RAD1: variants seen among roughly 807,000 people sequenced by gnomAD.
RAD1 encodes the protein RAD1 checkpoint DNA exonuclease, also known as cell cycle checkpoint protein RAD1.
In RAD1, 21 loss-of-function variants were observed where a neutral mutation model predicts 30.0. The observed-to-expected ratio is 0.70, with a 90% CI of 0.50 to 1.01. RAD1 has a LOEUF of 1.01. Among genes scored for constraint, RAD1 ranks in the 50% least tolerant of loss-of-function variants. RAD1 has a pLI of 0.00. For missense variants in RAD1, 329 were observed against 329.0 expected (o/e 1.00, Z 0.00); for synonymous variants, 109 against 113.6 (o/e 0.96, Z 0.26).
At chr5:34,910,026 T>C (rs1763781469) in intron 4 of RAD1, among the ~76,000 whole-genome samples, 2 of 152,094 alleles carry the variant, frequency 1.3e-5, no homozygotes, top group Non-Finnish European at 2.9e-5. Context: ...ATAATCTCTC[T>C]CTCTGACCCG....
At chr5:34,910,432 C>CTT (rs566311796) in intron 4 of RAD1, among the ~76,000 whole-genome samples, 13 of 143,804 alleles carry the variant, frequency 9.0e-5, no homozygotes, top group Admixed American at 4.9e-4. Flanking sequence ...TTTTTCTTTT[C>CTT]TTTTTTTTTT....
intron 3 of RAD1, among the ~76,000 whole-genome samples, chr5:34,912,923 C>T (rs1438251383): frequency 6.6e-6 from 1 of 152,162 alleles, no homozygotes; most frequent in Admixed American, 6.5e-5. Flanking sequence ...ATCACTTGAA[C>T]CCGGGAGGCA....
At chr5:34,909,449 C>T (rs1763760752) in intron 4 of RAD1, 93 bp from the exon 5 acceptor site, 1 of 823,680 alleles carries the variant, frequency 1.2e-6, no homozygotes, top group Admixed American at 2.2e-5. Context: ...GAAATTCATA[C>T]TAGTGGGTGA....
chr5:34,908,660 T>G lies in RAD1; in HGVS notation c.*105A>C, dbSNP rs761081113. The G allele has an allele frequency of 1.9e-4, 203 of 1,071,646 alleles. No individual in the cohort carries two copies. The highest frequency in any genetic ancestry group is 3.2e-4 in the Middle Eastern group (1 of 3,128). The allele number at this position is 1,071,646 out of a possible 1,614,324, so 66.4% of individuals were successfully genotyped here. ...TTGCTCCTATCTTCCCCATTGTGCT[T>G]CTTCTCTATAGAAAATCCAATATGA... On this transcript the variant is annotated 3_prime_UTR_variant, in exon 6 of 6. Transcript: ENST00000382038.
rs1036551324 is a variant in RAD1 at position 34,914,773 on chromosome 5, G to A, written c.120C>T (p.Ala40=). 1 of 1,614,052 alleles carries A rather than the reference G, an allele frequency of 6.2e-7. No homozygotes were observed. The highest frequency in any genetic ancestry group is 1.3e-5 in the African/African-American group (1 of 74,922). ...TACCATTTTTAGTTGCGAAACACGTGGCATGTTCTCGGAAATGAATAGCTT... is the reference window on the plus strand; with the variant it reads ...TACCATTTTTAGTTGCGAAACACGTAGCATGTTCTCGGAAATGAATAGCTT... ...ILKAIHFREH[A]TCFATKNGIK... Residue 40 remains alanine (A), a synonymous_variant, in exon 2 of 6, where the codon GCC becomes GCT. Coordinates refer to ENST00000382038, the MANE Select transcript of RAD1 (RefSeq NM_002853.4).
chr5:34,906,809 TAAC>T lies in RAD1; in HGVS notation c.*1953_*1955del, dbSNP rs1763668531. ...AGGCGCCGTTCTTTGTTCACACTAG[TAAC>T]AAAAGACAAAAAATAACTATGCTAT... On this transcript the variant is annotated 3_prime_UTR_variant, in exon 6 of 6. Coordinates refer to ENST00000382038, the MANE Select transcript of RAD1 (RefSeq NM_002853.4). The T allele has an allele frequency of 6.6e-6, 1 of 152,146 alleles. No individual in the cohort carries two copies. Among genetic ancestry groups the T allele is most frequent in the South Asian group, 2.1e-4 (1 of 4,824 alleles). The allele number at this position is 152,146 out of a possible 1,614,324, so 9.4% of individuals were successfully genotyped here. A position where few individuals can be genotyped will look rare whatever the true frequency, so the allele number is the denominator to read the frequency against.
chr5:34,912,252 T>C (rs2069473), intron 3 of RAD1, among the ~76,000 whole-genome samples: 8,241 of 152,304 alleles, frequency 0.054, 314 homozygotes, highest in South Asian at 0.11. Flanking sequence ...ATGACAAGGA[T>C]CCTTCCAACT....
At chr5:34,912,791 G>C (rs942438571) in intron 3 of RAD1, among the ~76,000 whole-genome samples, 8 of 152,184 alleles carry the variant, frequency 5.3e-5, no homozygotes, top group African/African-American at 1.9e-4. Context: ...CCTGAGGTCA[G>C]GAGTTTGAGA....
At chr5:34,914,993 G>C in intron 1 of RAD1, 32 bp from the exon 2 acceptor site, 2 of 1,320,744 alleles carry the variant, frequency 1.5e-6, no homozygotes, top group Non-Finnish European at 2.1e-6. Context: ...ACTCCCATCA[G>C]TGCTGGCGAG....
intron 3 of RAD1, 92 bp from the exon 4 acceptor site, chr5:34,911,904 T>C: frequency 7.0e-7 from 1 of 1,429,894 alleles, no homozygotes. Context: ...TCAAGAATAA[T>C]TTATTCCGCC....
At chr5:34,910,703 C>T (rs1390270411) in intron 4 of RAD1, among the ~76,000 whole-genome samples, 2 of 152,202 alleles carry the variant, frequency 1.3e-5, no homozygotes, top group Admixed American at 1.3e-4. Context: ...GCTGGGATTA[C>T]AGGTGTCTGC....
rs41271709 is a variant in RAD1 at position 34,911,192 on chromosome 5, C to T, written c.566+362G>A. On this transcript the variant is annotated intron_variant, in intron 4 of 5. Coordinates refer to ENST00000382038, the MANE Select transcript of RAD1 (RefSeq NM_002853.4). ...AAAACATCTTCTTCTGCATCCTGAA[C>T]TAACTTGAAAAAGATACCATAATAC... Among the ~76,000 whole-genome samples, 21 of 152,318 alleles carry T rather than the reference C, an allele frequency of 1.4e-4. No individual in the cohort carries two copies. In the East Asian group the frequency reaches 4.1e-3, roughly 29 times the overall value.
chr5:34,913,892 A>AT, intron 2 of RAD1: 1 of 444,868 alleles, frequency 2.2e-6, no homozygotes. Context: ...TTTTATTATG[A>AT]TTTTTTATTG....
intron 4 of RAD1, among the ~76,000 whole-genome samples, chr5:34,910,150 A>G (rs879844114): frequency 3.3e-5 from 5 of 152,156 alleles, no homozygotes; most frequent in Non-Finnish European, 5.9e-5. Context: ...GCAGGTACTT[A>G]AAATTTAACA....
rs1453181037 is a variant in RAD1, at chr5:34,911,586, T to C, written c.534A>G (p.Gln178=). 1 of 1,614,056 alleles carries C rather than the reference T, an allele frequency of 6.2e-7. No individual in the cohort carries two copies. Among genetic ancestry groups the C allele is most frequent in the African/African-American group, 1.3e-5 (1 of 74,922 alleles). The part of the protein sequence containing the change: ...SELDMTSEVL[Q]ITMSPDKPYF... ...AAGGCTTGTCAGGAGACATGGTAAT[T>C]TGTAGGACTTCACTCGTCATATCCA... Residue 178 remains glutamine (Q), a synonymous_variant, in exon 4 of 6, where the codon CAA becomes CAG. Coordinates refer to ENST00000382038, the MANE Select transcript of RAD1 (RefSeq NM_002853.4).
chr5:34,913,750 T>TCTC, intron 2 of RAD1, 172 bp from the exon 3 acceptor site: 1 of 580,986 alleles, frequency 1.7e-6, no homozygotes, highest in South Asian at 2.1e-5. Context: ...AGCATCCTTA[T>TCTC]CTCCATTCCT....
At chr5:34,909,093 C>A in intron 5 of RAD1, 145 bp from the exon 6 acceptor site, 1 of 964,184 alleles carries the variant, frequency 1.0e-6, no homozygotes. Context: ...AAAATTCATT[C>A]ACTGTTAGAA....
In RAD1 at chr5:34,913,496, G is replaced by C. The variant is rs763956628; in HGVS notation, c.281C>G (p.Ser94Cys). Reference protein sequence around the residue: ...INLTVLLDCLSIFGSSPMPGT... With the variant: ...INLTVLLDCLCIFGSSPMPGT... Reference sequence around the variant, plus strand: ...TGGCATAGGACTTGATCCAAAAATAGATAAACAGTCTAAAAGGACAGTTAA... The same window carrying C: ...TGGCATAGGACTTGATCCAAAAATACATAAACAGTCTAAAAGGACAGTTAA... The change falls in exon 3 of 6, where the codon TCT (serine) becomes TGT (cysteine). Residue 94 changes from serine (S) to cysteine (C), a missense_variant. Ser to Cys is a moderately radical substitution (Grantham distance 112). Coordinates refer to ENST00000382038, the MANE Select transcript of RAD1 (RefSeq NM_002853.4). 2 of 1,592,248 alleles carry C rather than the reference G, an allele frequency of 1.3e-6. No homozygotes were observed. Among genetic ancestry groups the C allele is most frequent in the South Asian group, 1.1e-5 (1 of 89,162 alleles).
rs1763678468 is a variant in RAD1, at chr5:34,907,193, G to A, written c.*1572C>T. ...AAACCAATTTTCTCTAATGCTATGT[G>A]ACCTATATTAAGGTAGGGCATTCCA... On this transcript the variant is annotated 3_prime_UTR_variant, in exon 6 of 6. Coordinates refer to ENST00000382038, the MANE Select transcript of RAD1 (RefSeq NM_002853.4). 6.6e-6 allele frequency: 1 copy of A among 152,134 alleles called. No homozygotes were observed. Among genetic ancestry groups the A allele is most frequent in the African/African-American group, 2.4e-5 (1 of 41,414 alleles). 9.4% of individuals were successfully genotyped at this position (152,134 alleles called of 1,614,324 possible).
Sources: allele counts gnomAD v4.1 joint callset (sites outside exome capture counted in the v4.1 genomes callset), GRCh38; gene constraint gnomAD v4.1.1; transcripts MANE v1.5; gene names NCBI Gene and HGNC (gene_info 2026-07-23, HGNC 2026-07-21).